Variants in SMC1B observed in about 807,000 individuals in gnomAD.
The protein encoded by SMC1B is structural maintenance of chromosomes protein 1B.
Under a neutral mutation model 157.9 loss-of-function variants are expected in SMC1B, and 60 were observed. The observed-to-expected ratio is 0.38, with a 90% CI of 0.31 to 0.47. The LOEUF is 0.47. SMC1B is among the 20% of genes least tolerant of loss of function. The probability of loss-of-function intolerance (pLI) is 0.99; values close to 1 mark genes in which losing one functional copy is unlikely to be tolerated. For missense variants in SMC1B, 1,165 were observed against 1,426.2 expected (o/e 0.82, Z 2.95); for synonymous variants, 445 against 483.0 (o/e 0.92, Z 1.03).
At chr22:45,384,627 C>T (rs531413949) in intron 11 of SMC1B, among the ~76,000 whole-genome samples, 128 of 151,066 alleles carry the variant, frequency 8.5e-4, no homozygotes, top group African/African-American at 2.7e-3. Flanking sequence ...GGCTGAGGCA[C>T]GAGAATCGCT....
At chr22:45,389,523 A>G (rs533432082) in intron 10 of SMC1B, among the ~76,000 whole-genome samples, 189 bp downstream of exon 10, 77 of 152,368 alleles carry the variant, frequency 5.1e-4, no homozygotes, top group African/African-American at 1.6e-3. Context: ...TGATGTCAAG[A>G]AAGAGAGTAG....
At chr22:45,387,774 G>A (rs955880104) in intron 10 of SMC1B, among the ~76,000 whole-genome samples, 6 of 152,204 alleles carry the variant, frequency 3.9e-5, no homozygotes, top group African/African-American at 1.2e-4. Flanking sequence ...GCTTACGCCT[G>A]TAATCCCAGC....
intron 22 of SMC1B, among the ~76,000 whole-genome samples, chr22:45,351,155 T>C (rs916175547): frequency 3.3e-5 from 5 of 152,244 alleles, no homozygotes; most frequent in Non-Finnish European, 7.3e-5. Context: ...TTTTTCTCTA[T>C]AGAACTTGTT....
intron 18 of SMC1B, 34 bp from the exon 19 acceptor site, chr22:45,358,829 T>A (rs2086694154): frequency 6.6e-7 from 1 of 1,521,650 alleles, no homozygotes. Context: ...ATTTGTTGAT[T>A]AAGTTTGTTG....
chr22:45,346,686 G>C (rs1312007553), intron 23 of SMC1B, among the ~76,000 whole-genome samples: 1 of 152,204 alleles, frequency 6.6e-6, no homozygotes, highest in Non-Finnish European at 1.5e-5. Flanking sequence ...AATGGTAGTA[G>C]CCACTATGAC....
At chr22:45,395,642 G>C (rs189631843) in intron 7 of SMC1B, among the ~76,000 whole-genome samples, 21 of 152,286 alleles carry the variant, frequency 1.4e-4, no homozygotes, top group Non-Finnish European at 2.1e-4. Context: ...TGGATCACCT[G>C]AGGTCAGGAG....
intron 4 of SMC1B, 118 bp from the exon 5 acceptor site, chr22:45,402,689 T>A (rs1457807003): frequency 6.5e-6 from 5 of 763,710 alleles, no homozygotes; most frequent in Non-Finnish European, 1.1e-5. Context: ...TAGGACATAA[T>A]GTTCTTGCCA....
chr22:45,371,787 T>C (rs1388351251), intron 13 of SMC1B, among the ~76,000 whole-genome samples, 200 bp from the exon 14 acceptor site: 1 of 152,192 alleles, frequency 6.6e-6, no homozygotes, highest in Non-Finnish European at 1.5e-5. Flanking sequence ...TATCTAAAAA[T>C]TGGCCAGGCA....
At position 45,361,895 on chromosome 22, in the gene SMC1B, G is replaced by C; in HGVS notation, c.2652C>G (p.Ala884=). The change falls in exon 17 of 25, where the codon GCC becomes GCG. Residue 884 remains alanine (A), a synonymous_variant. Coordinates refer to ENST00000357450, the MANE Select transcript of SMC1B (RefSeq NM_148674.5). ...KDIRVTQNSS[A]EKVQTQIEEE... is the part of the protein sequence containing the mutation. ...CTTCAATTTGAGTTTGAACTTTCTC[G>C]GCACTGGAGTTCTGAGTGACACGTA... The C allele has an allele frequency of 2.5e-6, 4 of 1,613,972 alleles. No individual in the cohort carries two copies. Among genetic ancestry groups the C allele is most frequent in the Non-Finnish European group, 2.5e-6 (3 of 1,179,972 alleles).
chr22:45,356,067 C>G (rs982644578), intron 19 of SMC1B, among the ~76,000 whole-genome samples: 2 of 152,138 alleles, frequency 1.3e-5, no homozygotes, highest in African/African-American at 4.8e-5. Context: ...AAGACTCCGT[C>G]TCAAAAACAA....
intron 19 of SMC1B, among the ~76,000 whole-genome samples, chr22:45,357,052 T>C (rs999599610): frequency 1.3e-5 from 2 of 152,168 alleles, no homozygotes; most frequent in African/African-American, 2.4e-5. Context: ...ATTTTTTATA[T>C]GTAGCTCTCT....
intron 1 of SMC1B, among the ~76,000 whole-genome samples, chr22:45,413,199 G>A (rs1162838502): frequency 6.6e-6 from 1 of 152,058 alleles, no homozygotes; most frequent in African/African-American, 2.4e-5. Flanking sequence ...CCGAGTGGAA[G>A]GGTCAGGACC....
intron 15 of SMC1B, among the ~76,000 whole-genome samples, chr22:45,363,341 A>C (rs2086739746): frequency 6.6e-6 from 1 of 152,212 alleles, no homozygotes; most frequent in Non-Finnish European, 1.5e-5. Flanking sequence ...GCTAAAATAT[A>C]ATTCATTAAT....
chr22:45,387,714 G>A (rs1303093149), intron 10 of SMC1B, among the ~76,000 whole-genome samples: 1 of 152,076 alleles, frequency 6.6e-6, no homozygotes, highest in East Asian at 1.9e-4. Flanking sequence ...TGTCAAGAGA[G>A]CAGAAAAACA....
intron 12 of SMC1B, among the ~76,000 whole-genome samples, chr22:45,372,857 C>T (rs2086848205): frequency 6.6e-6 from 1 of 151,902 alleles, no homozygotes; most frequent in Non-Finnish European, 1.5e-5. Context: ...GGACTACAGG[C>T]ACCCGCCAGC....
chr22:45,380,943 A>G (rs1256547618), intron 12 of SMC1B, among the ~76,000 whole-genome samples: 2 of 151,442 alleles, frequency 1.3e-5, no homozygotes, highest in Middle Eastern at 3.2e-3. Context: ...ACAAACAAAC[A>G]AACAATAAAA....
At chr22:45,379,253 G>A (rs763540705) in intron 12 of SMC1B, among the ~76,000 whole-genome samples, 11 of 152,244 alleles carry the variant, frequency 7.2e-5, no homozygotes, top group African/African-American at 2.2e-4. Context: ...GCCTCCCAAA[G>A]TGTTGGGATT....
At position 45,396,500 on chromosome 22, in the gene SMC1B, AT is replaced by A. The variant is rs777812888; in HGVS notation, c.1114-15del. 3 of 1,595,382 alleles carry A rather than the reference AT, an allele frequency of 1.9e-6. No individual in the cohort carries two copies. Among genetic ancestry groups the A allele is most frequent in the Non-Finnish European group, 2.6e-6 (3 of 1,172,310 alleles). On this transcript the variant is annotated splice_polypyrimidine_tract_variant and intron_variant, in intron 6 of 24. Coordinates refer to ENST00000357450, the MANE Select transcript of SMC1B (RefSeq NM_148674.5). ...ATAACGATCCAGCTGCATAAACAGT[AT>A]TGAAAAATTGCTAATTCACCTTAAG...
Position 45,354,965 on chromosome 22 carries a change from T to C in SMC1B, c.3112A>G (p.Thr1038Ala), listed in dbSNP as rs2086655393. The C allele has an allele frequency of 6.2e-7, 1 of 1,614,022 alleles. No individual in the cohort carries two copies. Among genetic ancestry groups the C allele is most frequent in the Non-Finnish European group, 8.5e-7 (1 of 1,180,002 alleles). ...TGACTACACTCAATTTTACCATCTG[T>C]GGACTCTTGAAACTTGTCTCTGACA... is the stretch of plus-strand genomic sequence containing the variant. ...KTVRDKFQES[T>A]DAFEASRKEA... The change falls in exon 20 of 25, where the codon ACA becomes GCA. Residue 1038 changes from threonine to alanine, a missense_variant. Physicochemically the swap from Thr to Ala is moderately conservative, Grantham distance 58 (BLOSUM62 0). Transcript: ENST00000357450.
Sources: gnomAD v4.1 joint callset for allele counts (sites outside exome capture counted in the v4.1 genomes callset) on GRCh38, gnomAD v4.1.1 for gene constraint, MANE v1.5 for transcripts, NCBI Gene and HGNC (gene_info 2026-07-23, HGNC 2026-07-21) for gene names.